CRY2: variants seen among roughly 807,000 people sequenced by gnomAD.
CRY2 encodes the protein cryptochrome circadian regulator 2.
CRY2 carries 31 observed loss-of-function variants against 69.5 expected under a neutral mutation model. The ratio of observed to expected loss-of-function variants is 0.45; its 90% CI spans 0.34 to 0.60. The LOEUF (loss-of-function observed/expected upper bound fraction) is 0.60. CRY2 is among the 20% of genes least tolerant of loss of function. The pLI, the probability that CRY2 is intolerant of heterozygous loss-of-function variation, is 0.02. For synonymous variants in CRY2, 303 were observed against 312.2 expected (o/e 0.97, Z 0.31); for missense variants, 606 against 797.8 (o/e 0.76, Z 2.90).
rs746953201 is a variant in CRY2 at position 45,856,108 on chromosome 11, C to T, written c.324+18C>T. The T allele has an allele frequency of 4.4e-6, 7 of 1,576,856 alleles. No homozygotes were observed. Among genetic ancestry groups the T allele is most frequent in the Non-Finnish European group, 6.1e-6 (7 of 1,146,688 alleles). Reference sequence around the variant, plus strand: ...TGTTCAAGGTAAGCGTGCAGAGCCCCAGAGAAGACAGTGAGATTCTGTCCC... The same window carrying T: ...TGTTCAAGGTAAGCGTGCAGAGCCCTAGAGAAGACAGTGAGATTCTGTCCC... On this transcript the variant is annotated intron_variant, in intron 2 of 11. Coordinates refer to ENST00000616080, the MANE Select transcript of CRY2 (RefSeq NM_021117.5).
At chr11:45,859,896 C>T (rs796393712) in intron 3 of CRY2, among the ~76,000 whole-genome samples, 10 of 152,286 alleles carry the variant, frequency 6.6e-5, no homozygotes, top group African/African-American at 2.4e-4. Flanking sequence ...GTGAGCCGGG[C>T]CCTCAGGAGG....
intron 2 of CRY2, 48 bp downstream of exon 2, chr11:45,856,138 G>A (rs753048345): frequency 2.1e-6 from 3 of 1,403,714 alleles, no homozygotes; most frequent in East Asian, 4.6e-5. Context: ...TGTCCCTGAC[G>A]GTTTCCCCAC....
chr11:45,848,386 C>T (rs1356269930), intron 1 of CRY2, among the ~76,000 whole-genome samples: 1 of 152,174 alleles, frequency 6.6e-6, no homozygotes, highest in Non-Finnish European at 1.5e-5. Context: ...TTAAGCCCTG[C>T]TCTGGAGCTT....
At chr11:45,879,229 C>CA (rs148530444) in intron 11 of CRY2, among the ~76,000 whole-genome samples, 2,131 of 138,218 alleles carry the variant, frequency 0.015, 42 homozygotes, top group African/African-American at 0.052. Context: ...AACTCTGTCT[C>CA]AAAAAAAAAA....
Position 45,877,884 on chromosome 11 carries a change from G to A in CRY2, c.*3-3030G>A, listed in dbSNP as rs142008758. 6.1e-3 allele frequency among the ~76,000 whole-genome samples: 931 copies of A among 152,286 alleles called. 13 individuals are homozygous for A. The highest frequency in any genetic ancestry group is 0.02 in the Middle Eastern group (6 of 294). On this transcript the variant is annotated intron_variant, in intron 11 of 11. Transcript: ENST00000616080. ...CAGGCCTTTGGCTAGCTTTGTAGGC[G>A]AGGCCAAGTTGGTTCTTCTAAACCT...
At chr11:45,847,894 G>C (rs78996810) in intron 1 of CRY2, among the ~76,000 whole-genome samples, 189 bp downstream of exon 1, 57 of 152,306 alleles carry the variant, frequency 3.7e-4, no homozygotes, top group Non-Finnish European at 4.4e-5. Context: ...GACAAAGCGC[G>C]TTCGCACTGT....
intron 5 of CRY2, among the ~76,000 whole-genome samples, 167 bp downstream of exon 5, chr11:45,862,315 A>G (rs1170925140): frequency 6.6e-6 from 1 of 152,214 alleles, no homozygotes; most frequent in Admixed American, 6.5e-5. Flanking sequence ...AACAGCAACT[A>G]CCATTTAGAG....
chr11:45,856,655 G>C (rs993583326), intron 2 of CRY2, among the ~76,000 whole-genome samples: 1 of 152,172 alleles, frequency 6.6e-6, no homozygotes, highest in Non-Finnish European at 1.5e-5. Flanking sequence ...AATTAGCTGG[G>C]CATGTTGGCT....
At chr11:45,856,941 A>G (rs959894347) in intron 2 of CRY2, among the ~76,000 whole-genome samples, 2 of 152,152 alleles carry the variant, frequency 1.3e-5, no homozygotes, top group Non-Finnish European at 2.9e-5. Context: ...CAATCCCTTT[A>G]AAAAGTATAT....
rs1351223468 is a variant in CRY2 at position 45,869,633 on chromosome 11, T to C, written c.1010T>C (p.Ile337Thr). 1 of 1,614,114 alleles carries C rather than the reference T, an allele frequency of 6.2e-7. No homozygotes were observed. The change falls in exon 7 of 12, where the codon ATC becomes ACC. Residue 337 changes from isoleucine (I) to threonine (T), a missense_variant. This residue lies in a region of CRY2 where 382 missense variants were observed against 508.9 expected (regional missense o/e 0.75). Coordinates refer to ENST00000616080, the MANE Select transcript of CRY2 (RefSeq NM_021117.5). Reference protein sequence around the residue: ...RMEGNPICIQIPWDRNPEALA... With the variant: ...RMEGNPICIQTPWDRNPEALA... The stretch of plus-strand genomic sequence containing the variant: ...GAGGGGAACCCCATCTGCATCCAGA[T>C]CCCCTGGGACCGCAATCCTGAGGCC...
intron 4 of CRY2, chr11:45,861,634 G>T (rs943584519): frequency 3.2e-5 from 6 of 186,422 alleles, no homozygotes; most frequent in African/African-American, 1.4e-4. Context: ...TAGAGACGGG[G>T]TTTCACCATG....
intron 1 of CRY2, 121 bp from the exon 2 acceptor site, chr11:45,855,861 C>G (rs2134631147): frequency 3.5e-6 from 3 of 856,302 alleles, no homozygotes; most frequent in Non-Finnish European, 4.0e-6. Flanking sequence ...CCTCTCCAGC[C>G]CTAGTGATCA....
chr11:45,856,438 G>GA (rs35174952), intron 2 of CRY2: 1 of 160,840 alleles, frequency 6.2e-6, no homozygotes. Context: ...CCAAGACTTT[G>GA]AGGTGGGGTT....
At chr11:45,868,656 C>T (rs2086350828) in intron 6 of CRY2, among the ~76,000 whole-genome samples, 1 of 152,058 alleles carries the variant, frequency 6.6e-6, no homozygotes, top group Non-Finnish European at 1.5e-5. Context: ...GTTTTTGAGA[C>T]AGGATCTCAT....
At chr11:45,880,083 A>T (rs1484746590) in intron 11 of CRY2, among the ~76,000 whole-genome samples, 1 of 152,192 alleles carries the variant, frequency 6.6e-6, no homozygotes, top group Non-Finnish European at 1.5e-5. Flanking sequence ...TCAACATAAG[A>T]ATTTTGTGGG....
chr11:45,858,665 C>T, intron 2 of CRY2, 66 bp from the exon 3 acceptor site: 1 of 1,531,842 alleles, frequency 6.5e-7, no homozygotes, highest in Non-Finnish European at 8.8e-7. Flanking sequence ...CAGGAAGGAA[C>T]TGAGAGTCCA....
Position 45,869,809 on chromosome 11 carries a change from G to A in CRY2, c.1186G>A (p.Gly396Arg), listed in dbSNP as rs750043872. The A allele has an allele frequency of 8.1e-6, 13 of 1,606,382 alleles. No homozygotes were observed. The highest frequency in any genetic ancestry group is 2.2e-5 in the South Asian group (2 of 90,808). ...RGDLWVSWES[G>R]VRVFDELLLD... is the part of the protein sequence containing the mutation. ...GGACCTCTGGGTCAGCTGGGAGAGC[G>A]GGGTCCGGGTGAGTGCTCTCTCAAC... Residue 396 changes from glycine to arginine, a missense_variant, in exon 7 of 12, where the codon GGG becomes AGG. Gly to Arg is a moderately radical substitution (Grantham distance 125). This residue lies in a region of CRY2 where 382 missense variants were observed against 508.9 expected (regional missense o/e 0.75). Transcript: ENST00000616080.
chr11:45,858,904 C>T lies in CRY2; in HGVS notation c.467+31C>T, dbSNP rs201721718. ...AGATGGGGCCCAGGGATCAGGTTAC[C>T]AATTGTGAGAGTTAGTAATTTGGGC... On this transcript the variant is annotated intron_variant, in intron 3 of 11. Transcript: ENST00000616080. The T allele has an allele frequency of 4.1e-5, 65 of 1,604,142 alleles. No individual in the cohort carries two copies. In the African/African-American group the frequency reaches 5.6e-4, roughly 14 times the overall value.
In CRY2 at chr11:45,847,658, C is replaced by T. The variant is rs2086162002; in HGVS notation, c.168C>T (p.Leu56=). The T allele has an allele frequency of 1.3e-6, 2 of 1,594,798 alleles. No homozygotes were observed. The highest frequency in any genetic ancestry group is 2.7e-5 in the African/African-American group (2 of 74,602). ...GARCVRCVYI[L]DPWFAASSSV... is the part of the protein sequence containing the mutation. ...GCTGCGTGCGCTGCGTTTACATTCT[C>T]GACCCGTGGTTCGCGGCCTCCTCCT... Residue 56 remains leucine (L), a synonymous_variant, in exon 1 of 12, where the codon CTC becomes CTT. Coordinates refer to ENST00000616080, the MANE Select transcript of CRY2 (RefSeq NM_021117.5).
Sources: gnomAD v4.1 joint callset for allele counts (sites outside exome capture counted in the v4.1 genomes callset) on GRCh38, gnomAD v4.1.1 for gene constraint, gnomAD v4.1.1 regional missense constraint, MANE v1.5 for transcripts, NCBI Gene and HGNC (gene_info 2026-07-23, HGNC 2026-07-21) for gene names.